The following ZCWPW2 variants were observed in gnomAD, a reference collection of about 807,000 sequenced individuals.
The protein encoded by ZCWPW2 is zinc finger CW-type and PWWP domain containing 2, also known as zinc finger CW-type PWWP domain protein 2.
In ZCWPW2, 45 loss-of-function variants were observed where a neutral mutation model predicts 46.6. The observed-to-expected ratio is 0.96, with a 90% CI of 0.76 to 1.24. The LOEUF (loss-of-function observed/expected upper bound fraction) is 1.24. Among genes scored for constraint, ZCWPW2 ranks in the 50% most tolerant of loss-of-function variants. The pLI is 0.00. For missense variants in ZCWPW2, 429 were observed against 403.9 expected (o/e 1.06, Z -0.53); for synonymous variants, 152 against 137.1 (o/e 1.11, Z -0.76).
chr3:28,349,379 G>A (rs1259114587), intron 1 of ZCWPW2, among the ~76,000 whole-genome samples, 176 bp downstream of exon 1: 1 of 152,202 alleles, frequency 6.6e-6, no homozygotes, highest in Non-Finnish European at 1.5e-5. Flanking sequence ...TGGGAACTGG[G>A]AAGTCTGTTA....
chr3:28,362,661 G>T (rs1704985191), intron 1 of ZCWPW2, among the ~76,000 whole-genome samples: 1 of 152,106 alleles, frequency 6.6e-6, no homozygotes, highest in Admixed American at 6.6e-5. Flanking sequence ...GGAAAGTAGT[G>T]TGGCAGTTCC....
chr3:28,349,359 C>A (rs960312567), intron 1 of ZCWPW2, among the ~76,000 whole-genome samples, 156 bp downstream of exon 1: 4 of 152,202 alleles, frequency 2.6e-5, no homozygotes, highest in African/African-American at 9.7e-5. Flanking sequence ...GGCTTACGAG[C>A]TGACGTGGCT....
At chr3:28,379,890 A>T (rs191369920) in intron 1 of ZCWPW2, among the ~76,000 whole-genome samples, 9 of 152,320 alleles carry the variant, frequency 5.9e-5, no homozygotes, top group African/African-American at 2.2e-4. Flanking sequence ...GGACAGGTGA[A>T]TTATAATGGA....
chr3:28,386,528 C>G (rs529704939), intron 1 of ZCWPW2, among the ~76,000 whole-genome samples: 1 of 152,226 alleles, frequency 6.6e-6, no homozygotes, highest in South Asian at 2.1e-4. Context: ...TTGTAAAGTT[C>G]AAGGTGCATC....
intron 4 of ZCWPW2, among the ~76,000 whole-genome samples, chr3:28,444,563 A>G (rs1697908921): frequency 6.6e-6 from 1 of 152,042 alleles, no homozygotes; most frequent in Non-Finnish European, 1.5e-5. Context: ...TTCTTTTCCA[A>G]TCAATGCCTT....
intron 4 of ZCWPW2, among the ~76,000 whole-genome samples, chr3:28,456,210 G>A (rs1413160288): frequency 6.6e-6 from 1 of 152,078 alleles, no homozygotes; most frequent in Non-Finnish European, 1.5e-5. Flanking sequence ...TCCCTTGTTA[G>A]CTGTATTCCT....
chr3:28,370,469 G>C (rs943384554), intron 1 of ZCWPW2, among the ~76,000 whole-genome samples: 5 of 152,110 alleles, frequency 3.3e-5, no homozygotes, highest in South Asian at 2.1e-4. Flanking sequence ...TCTCATATGG[G>C]CACAAAAGAA....
At chr3:28,361,408 A>C (rs1445068913) in intron 1 of ZCWPW2, among the ~76,000 whole-genome samples, 1 of 152,224 alleles carries the variant, frequency 6.6e-6, no homozygotes, top group Non-Finnish European at 1.5e-5. Flanking sequence ...ATATGAAAAA[A>C]TATAAGGAAT....
intron 1 of ZCWPW2, among the ~76,000 whole-genome samples, chr3:28,354,566 A>G (rs1257139273): frequency 2.5e-5 from 3 of 122,232 alleles, no homozygotes; most frequent in Admixed American, 1.9e-4. Flanking sequence ...AGAATTTTAG[A>G]CCAATATCCC....
At chr3:28,452,442 C>A (rs556680051) in intron 4 of ZCWPW2, among the ~76,000 whole-genome samples, 1 of 152,168 alleles carries the variant, frequency 6.6e-6, no homozygotes, top group Middle Eastern at 3.4e-3. Flanking sequence ...ATTACAGGTG[C>A]CTGCCACCGT....
intron 4 of ZCWPW2, chr3:28,478,201 C>A: frequency 5.3e-6 from 1 of 190,308 alleles, no homozygotes; most frequent in Non-Finnish European, 1.1e-5. Context: ...ATGTTAATAT[C>A]TGCTGTAACA....
intron 4 of ZCWPW2, among the ~76,000 whole-genome samples, chr3:28,454,729 T>C (rs1323556924): frequency 3.3e-5 from 5 of 152,198 alleles, no homozygotes; most frequent in African/African-American, 1.2e-4. Context: ...AGTAAGAACA[T>C]GCAATATTTG....
rs532417836 is a variant in ZCWPW2 at position 28,525,905 on chromosome 3, G to C, written c.*1217G>C. On this transcript the variant is annotated 3_prime_UTR_variant, in exon 10 of 10. Coordinates refer to ENST00000383768, the MANE Select transcript of ZCWPW2 (RefSeq NM_001040432.4). ...GATGTTGAGTTGTAAAGCCTATCTG[G>C]GTTCATATTTTACATACTAGCTTGT... is the stretch of plus-strand genomic sequence containing the variant. Among the ~76,000 whole-genome samples the C allele has an allele frequency of 9.7e-4, 147 of 152,162 alleles. 1 individual carries two copies. The highest frequency in any genetic ancestry group is 2.9e-3 in the South Asian group (14 of 4,818).
At chr3:28,467,500 G>C (rs553252584) in intron 4 of ZCWPW2, among the ~76,000 whole-genome samples, 1 of 140,648 alleles carries the variant, frequency 7.1e-6, no homozygotes, top group East Asian at 2.1e-4. Context: ...AGAGAACATA[G>C]GCAGTAGCCA....
chr3:28,511,195 A>C (rs1700417216), intron 6 of ZCWPW2: 1 of 385,318 alleles, frequency 2.6e-6, no homozygotes, highest in African/African-American at 2.1e-5. Context: ...GAAGTCATTC[A>C]ACTATCCAGA....
At chr3:28,397,385 A>G (rs899803036) in intron 2 of ZCWPW2, among the ~76,000 whole-genome samples, 1 of 152,114 alleles carries the variant, frequency 6.6e-6, no homozygotes, top group African/African-American at 2.4e-5. Flanking sequence ...AATAACATGT[A>G]TGGGCTGGGC....
At chr3:28,368,654 A>G (rs377569562) in intron 1 of ZCWPW2, among the ~76,000 whole-genome samples, 1 of 152,082 alleles carries the variant, frequency 6.6e-6, no homozygotes, top group Non-Finnish European at 1.5e-5. Flanking sequence ...TGCTCTTCTC[A>G]AGGAGTATCT....
At chr3:28,428,157 G>A (rs1302620499) in intron 3 of ZCWPW2, 14 of 152,308 alleles carry the variant, frequency 9.2e-5, no homozygotes, top group South Asian at 2.1e-4. Flanking sequence ...AATAACAGTC[G>A]CCAAACAATG....
chr3:28,485,579 G>A (rs1350480435), intron 5 of ZCWPW2, among the ~76,000 whole-genome samples: 2 of 152,074 alleles, frequency 1.3e-5, no homozygotes, highest in Non-Finnish European at 2.9e-5. Context: ...GTTGTTAGGT[G>A]CATGTACATT....
Sources: allele counts gnomAD v4.1 joint callset (sites outside exome capture counted in the v4.1 genomes callset), GRCh38; gene constraint gnomAD v4.1.1; transcripts MANE v1.5; gene names NCBI Gene and HGNC (gene_info 2026-07-23, HGNC 2026-07-21).